Variants in NFIL3 observed in about 807,000 individuals in gnomAD.
The protein encoded by NFIL3 is nuclear factor interleukin-3-regulated protein.
A neutral mutation model predicts 10.0 loss-of-function variants in NFIL3; 5 were observed. The observed-to-expected ratio is 0.50, with a 90% CI of 0.26 to 1.06. NFIL3 has a LOEUF of 1.06. NFIL3 is among the 50% of genes least tolerant of loss of function. The probability of loss-of-function intolerance (pLI) is 0.13; values close to 1 mark genes in which losing one functional copy is unlikely to be tolerated. For missense variants in NFIL3, 436 were observed against 547.6 expected (o/e 0.80, Z 2.03); for synonymous variants, 202 against 206.5 (o/e 0.98, Z 0.19).
At chr9:91,415,429 A>G (rs1348732089) in intron 1 of NFIL3, among the ~76,000 whole-genome samples, 2 of 152,194 alleles carry the variant, frequency 1.3e-5, no homozygotes, top group Non-Finnish European at 2.9e-5. Context: ...TCACATAGCT[A>G]AATGGCAGAG....
At chr9:91,426,024 G>A (rs1254738775), upstream of NFIL3, among the ~76,000 whole-genome samples, 1 of 152,156 alleles carries the variant, frequency 6.6e-6, no homozygotes, top group African/African-American at 2.4e-5. Flanking sequence ...TGTAGTAAAT[G>A]TCTTTCTTTA....
the NFIL3 span, among the ~76,000 whole-genome samples, chr9:91,476,303 T>G: frequency 2.7e-3 from 409 of 152,332 alleles, 2 homozygotes; most frequent in African/African-American, 9.5e-3. Context: ...CCGGGCACAG[T>G]GGCTCATGCC....
At chr9:91,457,845 T>C in the NFIL3 span, among the ~76,000 whole-genome samples, 1 of 152,110 alleles carries the variant, frequency 6.6e-6, no homozygotes, top group Non-Finnish European at 1.5e-5. Context: ...GCAACTTTTA[T>C]TCCAAGTTTT....
the NFIL3 span, among the ~76,000 whole-genome samples, chr9:91,472,015 A>C: frequency 6.6e-6 from 1 of 152,170 alleles, no homozygotes; most frequent in African/African-American, 2.4e-5. Context: ...TTTCTTTAAG[A>C]ATGTTGAATA....
chr9:91,429,798 C>T, the NFIL3 span, among the ~76,000 whole-genome samples: 2 of 151,996 alleles, frequency 1.3e-5, no homozygotes, highest in African/African-American at 4.8e-5. Flanking sequence ...GATAAAAGAG[C>T]CAGCTCTCGG....
chr9:91,469,665 G>A, the NFIL3 span, among the ~76,000 whole-genome samples: 3 of 152,234 alleles, frequency 2.0e-5, no homozygotes, highest in East Asian at 1.9e-4. Context: ...TTGGCTTTGG[G>A]TTTGTCATAA....
the NFIL3 span, among the ~76,000 whole-genome samples, chr9:91,457,762 G>A: frequency 3.3e-5 from 5 of 151,932 alleles, no homozygotes; most frequent in African/African-American, 1.2e-4. Context: ...GTTAATTTGG[G>A]GGAAAATATT....
At chr9:91,444,959 G>T in the NFIL3 span, among the ~76,000 whole-genome samples, 1 of 152,150 alleles carries the variant, frequency 6.6e-6, no homozygotes, top group Non-Finnish European at 1.5e-5. Flanking sequence ...AGAGTCCTGG[G>T]CTGGGCTCAG....
chr9:91,427,033 C>G (rs1833879663), upstream of NFIL3: 1 of 151,758 alleles, frequency 6.6e-6, no homozygotes, highest in Admixed American at 6.6e-5. Context: ...ATTGCTGTTT[C>G]CAGGAGCCCA....
chr9:91,443,695 G>A, the NFIL3 span, among the ~76,000 whole-genome samples: 4 of 152,172 alleles, frequency 2.6e-5, no homozygotes, highest in South Asian at 4.1e-4. Flanking sequence ...TCCTAGGCTG[G>A]GTTGGTAGCT....
At chr9:91,412,003 G>A (rs1198354035) in intron 1 of NFIL3, among the ~76,000 whole-genome samples, 1 of 149,710 alleles carries the variant, frequency 6.7e-6, no homozygotes, top group Non-Finnish European at 1.5e-5. Context: ...TCGGGAGGCT[G>A]AGGCAGGAGA....
the NFIL3 span, among the ~76,000 whole-genome samples, chr9:91,436,575 C>A: frequency 2.5e-3 from 319 of 127,168 alleles, no homozygotes; most frequent in East Asian, 0.032. Context: ...AAGACTCTGC[C>A]TCAACAACAA....
chr9:91,427,468 T>TGTCTG (rs1833883499), upstream of NFIL3, among the ~76,000 whole-genome samples: 1 of 152,224 alleles, frequency 6.6e-6, no homozygotes, highest in African/African-American at 2.4e-5. Flanking sequence ...GGTGACCTCC[T>TGTCTG]GTCTGGTCTG....
chr9:91,425,489 C>T (rs1833862794), upstream of NFIL3, among the ~76,000 whole-genome samples: 1 of 152,188 alleles, frequency 6.6e-6, no homozygotes. Flanking sequence ...GCTCTGAAAA[C>T]TCAGACGTAC....
chr9:91,434,460 G>A, the NFIL3 span, among the ~76,000 whole-genome samples: 23 of 152,134 alleles, frequency 1.5e-4, 1 homozygote, highest in African/African-American at 4.1e-4. Flanking sequence ...AAATATTCCC[G>A]TAATATTAAA....
At chr9:91,422,508 G>A (rs1337412166) in intron 1 of NFIL3, among the ~76,000 whole-genome samples, 5 of 151,960 alleles carry the variant, frequency 3.3e-5, no homozygotes, top group African/African-American at 9.7e-5. Flanking sequence ...TAAAGGCTGA[G>A]ACTGTCCTAC....
chr9:91,479,169 C>G, the NFIL3 span, among the ~76,000 whole-genome samples: 1 of 152,200 alleles, frequency 6.6e-6, no homozygotes, highest in Non-Finnish European at 1.5e-5. Context: ...AGAGCTTGAG[C>G]ACTGTGCTGG....
the NFIL3 span, among the ~76,000 whole-genome samples, chr9:91,467,225 A>T: frequency 6.6e-6 from 1 of 151,926 alleles, no homozygotes; most frequent in Non-Finnish European, 1.5e-5. Context: ...TGTGTGTGTA[A>T]ATGCATATGT....
chr9:91,473,008 C>A, the NFIL3 span, among the ~76,000 whole-genome samples: 1 of 152,102 alleles, frequency 6.6e-6, no homozygotes, highest in African/African-American at 2.4e-5. Context: ...CACTCCAGAC[C>A]CTGTTTGCCT....
Sources: gnomAD v4.1 joint callset for allele counts (sites outside exome capture counted in the v4.1 genomes callset) on GRCh38, gnomAD v4.1.1 for gene constraint, MANE v1.5 for transcripts, NCBI Gene and HGNC (gene_info 2026-07-23, HGNC 2026-07-21) for gene names.